The following SATB1 variants were observed in gnomAD, a reference collection of about 807,000 sequenced individuals.
SATB1 encodes DNA-binding protein SATB1.
Under a neutral mutation model 86.9 loss-of-function variants are expected in SATB1, and 11 were observed. That is an observed-to-expected ratio of 0.13 (90% CI 0.08 to 0.21). The LOEUF (loss-of-function observed/expected upper bound fraction) is 0.21. Ranked by LOEUF, SATB1 falls within the 10% of genes least tolerant of loss-of-function variation. The probability of loss-of-function intolerance (pLI) is 1.00; values close to 1 mark genes in which losing one functional copy is unlikely to be tolerated. For missense variants in SATB1, 551 were observed against 937.6 expected (o/e 0.59, Z 5.39); for synonymous variants, 357 against 357.2 (o/e 1.00, Z 0.01).
intron 9 of SATB1, 99 bp downstream of exon 9, chr3:18,378,071 T>C (rs547493937): frequency 9.8e-7 from 1 of 1,020,454 alleles, no homozygotes; most frequent in African/African-American, 1.7e-5. Context: ...CAGAGGCCTC[T>C]CCGTGATGCA....
intron 2 of SATB1, among the ~76,000 whole-genome samples, chr3:18,433,184 G>A (rs1446700719): frequency 6.6e-6 from 1 of 152,118 alleles, no homozygotes; most frequent in Non-Finnish European, 1.5e-5. Flanking sequence ...AGTTCCTTAA[G>A]TCCAAAAAAT....
chr3:18,384,066 G>A (rs1170877043), intron 8 of SATB1, among the ~76,000 whole-genome samples: 5 of 152,160 alleles, frequency 3.3e-5, no homozygotes, highest in African/African-American at 1.2e-4. Flanking sequence ...AGAATCTACA[G>A]TATGTATATA....
At chr3:18,420,334 G>A (rs1698318667) in intron 2 of SATB1, among the ~76,000 whole-genome samples, 1 of 152,114 alleles carries the variant, frequency 6.6e-6, no homozygotes, top group African/African-American at 2.4e-5. Context: ...TACATAAGAT[G>A]TCCAAGATCT....
intron 2 of SATB1, among the ~76,000 whole-genome samples, chr3:18,432,259 G>A (rs527278922): frequency 8.5e-5 from 13 of 152,234 alleles, no homozygotes; most frequent in East Asian, 3.9e-4. Flanking sequence ...CAGAAAGCTC[G>A]AGGTAAAATC....
chr3:18,412,193 T>A (rs969053488), intron 5 of SATB1, among the ~76,000 whole-genome samples: 1 of 152,058 alleles, frequency 6.6e-6, no homozygotes, highest in African/African-American at 2.4e-5. Context: ...GTGACTTTAA[T>A]CTCCAGGGAC....
At chr3:18,413,005 G>GT (rs893721388) in intron 5 of SATB1, among the ~76,000 whole-genome samples, 4 of 151,942 alleles carry the variant, frequency 2.6e-5, no homozygotes, top group Non-Finnish European at 5.9e-5. Flanking sequence ...ATTTTTAGAA[G>GT]TTTTTTTATG....
chr3:18,393,359 GT>G (rs1443384716), intron 7 of SATB1, among the ~76,000 whole-genome samples: 1 of 151,806 alleles, frequency 6.6e-6, no homozygotes, highest in Non-Finnish European at 1.5e-5. Flanking sequence ...TTTTTGTTTT[GT>G]TTTAGTGTAC....
chr3:18,420,767 G>C lies in SATB1; in HGVS notation c.201C>G (p.Asn67Lys), dbSNP rs770245273. 2 of 1,613,566 alleles carry C rather than the reference G, an allele frequency of 1.2e-6. No homozygotes were observed. Among genetic ancestry groups the C allele is most frequent in the Non-Finnish European group, 1.7e-6 (2 of 1,179,908 alleles). Reference sequence around the variant, plus strand: ...CTTGAAGGTATTTACCTTTCCTAAGGTTGGTTTTCATCAGATGGCCCGAGT... The same window carrying C: ...CTTGAAGGTATTTACCTTTCCTAAGCTTGGTTTTCATCAGATGGCCCGAGT... ...LKHSGHLMKT[N>K]LRKGTMLPVF... The change falls in exon 2 of 11, where the codon AAC becomes AAG. Residue 67 changes from asparagine (N) to lysine (K), a missense_variant. By Grantham distance (94) the Asn-to-Lys change is moderately conservative. This residue lies in a region of SATB1 where 153 missense variants were observed against 258.1 expected (regional missense o/e 0.59). Transcript: ENST00000338745.
At chr3:18,430,004 T>A (rs551781253), upstream of SATB1, among the ~76,000 whole-genome samples, 10 of 152,210 alleles carry the variant, frequency 6.6e-5, no homozygotes, top group Admixed American at 2.0e-4. Flanking sequence ...TTAAAGTGAT[T>A]GTAGGAAGAG....
chr3:18,401,701 G>C (rs1433192143), intron 5 of SATB1, among the ~76,000 whole-genome samples: 5 of 152,136 alleles, frequency 3.3e-5, no homozygotes, highest in Non-Finnish European at 5.9e-5. Context: ...CAATTTCAAA[G>C]TTGGCAGAAA....
In SATB1 at chr3:18,398,626, T is replaced by C. The variant is rs116279466; in HGVS notation, c.640-1336A>G. Among the ~76,000 whole-genome samples the C allele has an allele frequency of 3.3e-3, 500 of 152,312 alleles. 4 individuals are homozygous for C. Among genetic ancestry groups the C allele is most frequent in the African/African-American group, 0.012 (481 of 41,576 alleles). On this transcript the variant is annotated intron_variant, in intron 5 of 10. Coordinates refer to ENST00000338745, the MANE Select transcript of SATB1 (RefSeq NM_002971.6). ...AGCATGCACACATTTCTGGAATATG[T>C]AAATTTGGGGGATCTCTAAAGAACT...
intron 2 of SATB1, among the ~76,000 whole-genome samples, chr3:18,431,601 A>C (rs983826373): frequency 4.6e-5 from 7 of 152,198 alleles, no homozygotes; most frequent in Non-Finnish European, 1.0e-4. Flanking sequence ...GGTGATTCTC[A>C]TATACAGCCA....
In SATB1 at chr3:18,345,658, A is replaced by G. The variant is rs1378768144; in HGVS notation, c.*3512T>C. The G allele has an allele frequency of 1.3e-5, 2 of 152,142 alleles. No homozygotes were observed. The highest frequency in any genetic ancestry group is 2.9e-5 in the Non-Finnish European group (2 of 67,962). The allele number at this position is 152,142 out of a possible 1,614,324, so 9.4% of individuals were successfully genotyped here. Reference sequence around the variant, plus strand: ...AGAAGACTAGTATTGATATTTTCTGATATTTTAGATATGATTAATATTTTG... The same window carrying G: ...AGAAGACTAGTATTGATATTTTCTGGTATTTTAGATATGATTAATATTTTG... On this transcript the variant is annotated 3_prime_UTR_variant, in exon 11 of 11. Transcript: ENST00000338745.
At chr3:18,430,881 G>C (rs1207616184) in intron 2 of SATB1, among the ~76,000 whole-genome samples, 1 of 152,166 alleles carries the variant, frequency 6.6e-6, no homozygotes, top group East Asian at 1.9e-4. Context: ...TATAGTTGAG[G>C]GGGAAAAAAC....
rs560846670 is a variant in SATB1, at chr3:18,399,103, A to T, written c.640-1813T>A. ...ATCTAGACATTCTGGCAGTTCCTTA[A>T]ATGTTAATAATACACATGAGTTCTA... On this transcript the variant is annotated intron_variant, in intron 5 of 10. Transcript: ENST00000338745. Among the ~76,000 whole-genome samples the T allele has an allele frequency of 2.0e-5, 3 of 152,310 alleles. No individual in the cohort carries two copies. In the South Asian group the frequency reaches 6.2e-4, roughly 32 times the overall value.
chr3:18,354,073 A>G (rs903145281), intron 9 of SATB1, among the ~76,000 whole-genome samples: 1 of 152,246 alleles, frequency 6.6e-6, no homozygotes, highest in African/African-American at 2.4e-5. Flanking sequence ...CCAGAATACT[A>G]TAATATGACA....
chr3:18,380,105 G>C (rs1157473652), intron 8 of SATB1, among the ~76,000 whole-genome samples: 1 of 152,092 alleles, frequency 6.6e-6, no homozygotes, highest in Non-Finnish European at 1.5e-5. Flanking sequence ...TGAGGCAGAG[G>C]GATAGATTTG....
Position 18,352,251 on chromosome 3 carries a change from T to G in SATB1, c.1576-56A>C. 1 of 1,495,648 alleles carries G rather than the reference T, an allele frequency of 6.7e-7. No homozygotes were observed. Among genetic ancestry groups the G allele is most frequent in the Admixed American group, 1.7e-5 (1 of 58,270 alleles). The allele number at this position is 1,495,648 out of a possible 1,614,324, so 92.6% of individuals were successfully genotyped here. A position where few individuals can be genotyped will look rare whatever the true frequency, so the allele number is the denominator to read the frequency against. The stretch of plus-strand genomic sequence containing the variant: ...GTGCCTATGAGAGGGGCTGGCATTT[T>G]CCATTAGGAGCTAAAAAGGAAAAAC... On this transcript the variant is annotated intron_variant, in intron 9 of 10. Transcript: ENST00000338745. This position sits in a 1 kb window ranked among gnomAD's most constrained non-coding sequence, Gnocchi z 4.1.
Position 18,346,230 on chromosome 3 carries a change from A to G in SATB1, c.*2940T>C, listed in dbSNP as rs1694050069. Reference sequence around the variant, plus strand: ...ATGTGCAAGTATTATATGGCCACAGAGTGTAATACAAATTAGTGGCAAAGT... The same window carrying G: ...ATGTGCAAGTATTATATGGCCACAGGGTGTAATACAAATTAGTGGCAAAGT... On this transcript the variant is annotated 3_prime_UTR_variant, in exon 11 of 11. Transcript: ENST00000338745. The G allele has an allele frequency of 6.6e-6, 1 of 152,138 alleles. No homozygotes were observed. The highest frequency in any genetic ancestry group is 1.5e-5 in the Non-Finnish European group (1 of 67,990). 9.4% of individuals were successfully genotyped at this position (152,138 alleles called of 1,614,324 possible).
Sources: allele counts gnomAD v4.1 joint callset (sites outside exome capture counted in the v4.1 genomes callset), GRCh38; gene constraint gnomAD v4.1.1; regional missense constraint gnomAD v4.1.1; non-coding constraint Gnocchi (gnomAD v3.1); transcripts MANE v1.5; gene names NCBI Gene and HGNC (gene_info 2026-07-23, HGNC 2026-07-21).